The following MGAT5 variants were observed in gnomAD, a reference collection of about 807,000 sequenced individuals.
The protein encoded by MGAT5 is alpha-1,6-mannosylglycoprotein 6-beta-N-acetylglucosaminyltransferase A.
In MGAT5, 30 loss-of-function variants were observed where a neutral mutation model predicts 94.3. The ratio of observed to expected loss-of-function variants is 0.32; its 90% CI spans 0.24 to 0.43. The LOEUF (loss-of-function observed/expected upper bound fraction) is 0.43. Among genes scored for constraint, MGAT5 ranks in the 20% least tolerant of loss-of-function variants. The pLI, the probability that MGAT5 is intolerant of heterozygous loss-of-function variation, is 1.00. For synonymous variants in MGAT5, 310 were observed against 322.9 expected, an observed-to-expected ratio of 0.96 and a Z score of 0.43; for missense variants, 691 against 905.5, an observed-to-expected ratio of 0.76 and a Z score of 3.04.
intron 1 of MGAT5, 57 bp downstream of exon 1, chr2:134,254,701 C>T: frequency 1.3e-6 from 2 of 1,594,238 alleles, no homozygotes; most frequent in South Asian, 1.1e-5. Context: ...TGAAATGGCC[C>T]TAGAAGCTCC....
chr2:134,419,442 T>TTGTCTGTG (rs1553464139), intron 12 of MGAT5, among the ~76,000 whole-genome samples: 13 of 134,222 alleles, frequency 9.7e-5, no homozygotes, highest in Admixed American at 8.5e-4. Context: ...GCTTCAGGGT[T>TTGTCTGTG]TGTGTGTGTG....
rs552549580 is a variant in MGAT5 at position 134,198,790 on chromosome 2, A to G, written c.-142-55472A>G. Among the ~76,000 whole-genome samples, 7 of 152,262 alleles carry G rather than the reference A, an allele frequency of 4.6e-5. No homozygotes were observed. In the East Asian group the frequency reaches 1.2e-3, roughly 25 times the overall value. On this transcript the variant is annotated intron_variant, in intron 1 of 16. Coordinates refer to the MGAT5 transcript ENST00000409645. ...TGGGAACCACTGCTTTGCATTCTTC[A>G]TCTTACTACTTATAACTTTTGGTAA...
chr2:134,400,938 C>T (rs1019592518), intron 10 of MGAT5, among the ~76,000 whole-genome samples: 1 of 152,048 alleles, frequency 6.6e-6, no homozygotes, highest in Non-Finnish European at 1.5e-5. Flanking sequence ...TATAAGGATC[C>T]AGAGGGACCT....
intron 1 of MGAT5, among the ~76,000 whole-genome samples, chr2:134,217,817 A>G (rs1365818300): frequency 6.6e-6 from 1 of 152,228 alleles, no homozygotes; most frequent in Admixed American, 6.5e-5. Context: ...CCCTGAGGGC[A>G]GAAGACCATG....
At chr2:134,405,059 A>G (rs1222139248) in intron 11 of MGAT5, among the ~76,000 whole-genome samples, 2 of 152,286 alleles carry the variant, frequency 1.3e-5, no homozygotes, top group African/African-American at 4.8e-5. Flanking sequence ...TATTAACCCA[A>G]CCTCATGAAT....
intron 4 of MGAT5, among the ~76,000 whole-genome samples, chr2:134,325,634 T>A (rs546874207): frequency 1.3e-5 from 2 of 152,282 alleles, no homozygotes; most frequent in South Asian, 4.1e-4. Context: ...ACCTGAAAAT[T>A]AACATAATTC....
intron 11 of MGAT5, among the ~76,000 whole-genome samples, chr2:134,410,581 A>G (rs1469743414): frequency 6.6e-6 from 1 of 152,212 alleles, no homozygotes; most frequent in East Asian, 1.9e-4. Context: ...GATGGTTCAT[A>G]TTGTTGTTCA....
At chr2:134,230,328 T>C (rs1681298295) in intron 1 of MGAT5, among the ~76,000 whole-genome samples, 1 of 152,194 alleles carries the variant, frequency 6.6e-6, no homozygotes, top group Non-Finnish European at 1.5e-5. Flanking sequence ...TCCTGCTGTG[T>C]GGCCCAGTTC....
upstream of MGAT5, among the ~76,000 whole-genome samples, chr2:134,250,151 T>C (rs1014943678): frequency 6.6e-6 from 1 of 152,214 alleles, no homozygotes; most frequent in Admixed American, 6.5e-5. Flanking sequence ...ACAAGGTGAT[T>C]GCTACTCTTT....
At chr2:134,253,267 G>A (rs1170814040), upstream of MGAT5, 3 of 152,128 alleles carry the variant, frequency 2.0e-5, no homozygotes, top group East Asian at 3.9e-4. Flanking sequence ...ATAAGGGATC[G>A]GATCATTGCT....
chr2:134,409,644 A>G (rs1341861293), intron 11 of MGAT5, among the ~76,000 whole-genome samples: 1 of 152,190 alleles, frequency 6.6e-6, no homozygotes, highest in Non-Finnish European at 1.5e-5. Context: ...TTTCCTATTT[A>G]TGATTATCCT....
At chr2:134,438,805 C>T (rs750634317) in intron 14 of MGAT5, among the ~76,000 whole-genome samples, 1 of 152,212 alleles carries the variant, frequency 6.6e-6, no homozygotes, top group Non-Finnish European at 1.5e-5. Context: ...CTTACCCACT[C>T]ACCCACTGTG....
At chr2:134,426,506 C>T (rs1175165847) in intron 13 of MGAT5, among the ~76,000 whole-genome samples, 1 of 152,202 alleles carries the variant, frequency 6.6e-6, no homozygotes, top group Non-Finnish European at 1.5e-5. Flanking sequence ...TGCTTCCTAA[C>T]ATAACTAAAT....
intron 10 of MGAT5, among the ~76,000 whole-genome samples, chr2:134,393,521 C>T (rs62171363): frequency 0.11 from 17,154 of 152,074 alleles, 1,075 homozygotes; most frequent in South Asian, 0.22. Context: ...TAAATTATGT[C>T]TTATTTGGAG....
Position 134,272,357 on chromosome 2 carries a change from G to A in MGAT5, c.406+1807G>A, listed in dbSNP as rs1264401049. On this transcript the variant is annotated intron_variant, in intron 2 of 15. Coordinates refer to ENST00000281923, the MANE Select transcript of MGAT5 (RefSeq NM_002410.5). ...TTTTAATAATATTTAAAGAACCAGAGTGTTGTGTTTTGTTTTTTTTTTCCT... is the reference window on the plus strand; with the variant it reads ...TTTTAATAATATTTAAAGAACCAGAATGTTGTGTTTTGTTTTTTTTTTCCT... 3.0e-5 allele frequency among the ~76,000 whole-genome samples: 4 copies of A among 134,544 alleles called. No individual in the cohort carries two copies. In the East Asian group the frequency reaches 8.7e-4, roughly 29 times the overall value. 88.3% of individuals were successfully genotyped at this position (134,544 alleles called of 152,430 possible). A position where few individuals can be genotyped will look rare whatever the true frequency, so the allele number is the denominator to read the frequency against.
chr2:134,277,290 C>T (rs949498373), intron 2 of MGAT5, among the ~76,000 whole-genome samples: 3 of 151,998 alleles, frequency 2.0e-5, no homozygotes, highest in Non-Finnish European at 2.9e-5. Context: ...TCCATTTTTA[C>T]AGTGCTATAA....
At chr2:134,267,341 C>A (rs1028303750) in intron 1 of MGAT5, among the ~76,000 whole-genome samples, 3 of 152,158 alleles carry the variant, frequency 2.0e-5, no homozygotes, top group Non-Finnish European at 4.4e-5. Context: ...TTAAGAGGGG[C>A]ATAGGGATGA....
upstream of MGAT5, chr2:134,253,197 A>C (rs1682723497): frequency 6.6e-6 from 1 of 152,228 alleles, no homozygotes. Flanking sequence ...GCTTGCAAAG[A>C]AGAATCCTTT....
At chr2:134,225,821 A>G (rs1681032409) in intron 1 of MGAT5, among the ~76,000 whole-genome samples, 1 of 152,230 alleles carries the variant, frequency 6.6e-6, no homozygotes, top group African/African-American at 2.4e-5. Context: ...GGGACCAGAG[A>G]GAATAGCCTG....
Sources: allele counts gnomAD v4.1 joint callset (sites outside exome capture counted in the v4.1 genomes callset), GRCh38; gene constraint gnomAD v4.1.1; transcripts MANE v1.5; gene names NCBI Gene and HGNC (gene_info 2026-07-23, HGNC 2026-07-21).